The following LRSAM1 variants were observed in gnomAD, a reference collection of about 807,000 sequenced individuals.
LRSAM1 encodes the protein E3 ubiquitin-protein ligase LRSAM1.
A neutral mutation model predicts 118.1 loss-of-function variants in LRSAM1; 96 were observed. That is an observed-to-expected ratio of 0.81 (90% CI 0.69 to 0.96). The LOEUF (loss-of-function observed/expected upper bound fraction) is 0.96. Ranked by LOEUF, LRSAM1 falls within the 40% of genes least tolerant of loss-of-function variation. LRSAM1 has a pLI of 0.00. For synonymous variants in LRSAM1, 322 were observed against 364.2 expected (o/e 0.88, Z 1.32); for missense variants, 804 against 915.5 (o/e 0.88, Z 1.57).
chr9:127,501,061 C>T lies in LRSAM1; in HGVS notation c.1964C>T (p.Pro655Leu), dbSNP rs376913816. 5.0e-6 allele frequency: 8 copies of T among 1,614,098 alleles called. No individual in the cohort carries two copies. The highest frequency in any genetic ancestry group is 6.8e-6 in the Non-Finnish European group (8 of 1,180,022). ...EVVTPTAPQE[P>L]PESVRPSAPP... ...GTCACCCCTACGGCCCCCCAGGAGC[C>T]TCCTGAGTCTGTGAGGCCATCCGCT... is the stretch of plus-strand genomic sequence containing the variant. Residue 655 changes from proline (P) to leucine (L), a missense_variant, in exon 25 of 26, where the codon CCT becomes CTT. Physicochemically the swap from Pro to Leu is moderately conservative, Grantham distance 98. Coordinates refer to ENST00000300417, the MANE Select transcript of LRSAM1 (RefSeq NM_001005373.4).
chr9:127,463,096 G>A (rs1834810174), intron 9 of LRSAM1, among the ~76,000 whole-genome samples: 1 of 151,722 alleles, frequency 6.6e-6, no homozygotes, highest in Non-Finnish European at 1.5e-5. Context: ...ACTCGGGGGA[G>A]GCTGAGACAG....
At chr9:127,468,229 G>T (rs1453867085) in intron 10 of LRSAM1, among the ~76,000 whole-genome samples, 1 of 152,136 alleles carries the variant, frequency 6.6e-6, no homozygotes, top group Non-Finnish European at 1.5e-5. Flanking sequence ...AGAGAAGAGA[G>T]ATGGGAGAAG....
At chr9:127,467,599 C>T in intron 9 of LRSAM1, 141 bp from the exon 10 acceptor site, 4 of 821,988 alleles carry the variant, frequency 4.9e-6, no homozygotes, top group Non-Finnish European at 8.1e-6. Flanking sequence ...CTGTAAGTAA[C>T]AAGACAGTTC....
chr9:127,502,989 G>C lies in LRSAM1; in HGVS notation c.*90G>C. ...GCTCAGCCTTGTGCCAGCCAGACTC[G>C]TATGAGGCTCCCCCCTGCCCTGGGC... is the stretch of plus-strand genomic sequence containing the variant. On this transcript the variant is annotated 3_prime_UTR_variant, in exon 26 of 26. Transcript: ENST00000300417. The C allele has an allele frequency of 1.3e-6, 2 of 1,514,152 alleles. No individual in the cohort carries two copies. Among genetic ancestry groups the C allele is most frequent in the South Asian group, 1.2e-5 (1 of 83,060 alleles). 93.8% of individuals were successfully genotyped at this position (1,514,152 alleles called of 1,614,324 possible). A position where few individuals can be genotyped will look rare whatever the true frequency, so the allele number is the denominator to read the frequency against.
At chr9:127,495,233 A>G (rs1836083395) in intron 21 of LRSAM1, 87 bp from the exon 22 acceptor site, 4 of 1,272,750 alleles carry the variant, frequency 3.1e-6, no homozygotes, top group Non-Finnish European at 2.2e-6. Context: ...GATTACAGGC[A>G]TGAGCCACCG....
chr9:127,502,408 G>A (rs535442757), intron 25 of LRSAM1, among the ~76,000 whole-genome samples: 28 of 152,262 alleles, frequency 1.8e-4, no homozygotes, highest in African/African-American at 6.3e-4. Flanking sequence ...GAAGGGGGCC[G>A]GCATGGTGGC....
chr9:127,462,136 C>A, intron 8 of LRSAM1, 116 bp from the exon 9 acceptor site: 1 of 1,461,004 alleles, frequency 6.8e-7, no homozygotes, highest in Non-Finnish European at 9.4e-7. Flanking sequence ...TAGGAAACCT[C>A]AGAGCCCAGG....
rs1834549386 is a variant in LRSAM1 at position 127,457,173 on chromosome 9, A to G, written c.175-143A>G. 5 of 818,424 alleles carry G rather than the reference A, an allele frequency of 6.1e-6. No individual in the cohort carries two copies. In the Admixed American group the frequency reaches 8.0e-5, roughly 13 times the overall value. 50.7% of individuals were successfully genotyped at this position (818,424 alleles called of 1,614,324 possible). The stretch of plus-strand genomic sequence containing the variant: ...AGATTCCCCATTGGGAGAGTTCATG[A>G]TACTGACCCGCATCCCCGTGGTGGT... On this transcript the variant is annotated intron_variant, in intron 5 of 25. Transcript: ENST00000300417.
intron 9 of LRSAM1, among the ~76,000 whole-genome samples, chr9:127,466,824 T>C (rs1834969898): frequency 6.6e-6 from 1 of 151,900 alleles, no homozygotes. Context: ...CTGGGTAACA[T>C]AGTAGGACTT....
At chr9:127,470,459 A>G (rs10760487) in intron 10 of LRSAM1, among the ~76,000 whole-genome samples, 16,659 of 152,018 alleles carry the variant, frequency 0.11, 1,605 homozygotes, top group Admixed American at 0.28. Flanking sequence ...CCCGCCCCCA[A>G]CACGTGGGGA....
At chr9:127,493,952 C>T (rs1048026634) in intron 21 of LRSAM1, among the ~76,000 whole-genome samples, 1 of 152,242 alleles carries the variant, frequency 6.6e-6, no homozygotes, top group Non-Finnish European at 1.5e-5. Flanking sequence ...GCTTCTGGAG[C>T]CCTGAACAAG....
Position 127,474,042 on chromosome 9 carries a change from C to T in LRSAM1, c.750+111C>T, listed in dbSNP as rs1835270933. On this transcript the variant is annotated intron_variant, in intron 11 of 25. Transcript: ENST00000300417. ...GGCGGTGGTTCAGAGCTGCAGCTCC[C>T]AGATTCCTCCATAGAACTAGAACTG... 3 of 1,517,390 alleles carry T rather than the reference C, an allele frequency of 2.0e-6. No individual in the cohort carries two copies. In the South Asian group the frequency reaches 3.5e-5, roughly 18 times the overall value. 94.0% of individuals were successfully genotyped at this position (1,517,390 alleles called of 1,614,324 possible). A position where few individuals can be genotyped will look rare whatever the true frequency, so the allele number is the denominator to read the frequency against.
chr9:127,460,093 G>A (rs544937969), intron 7 of LRSAM1, among the ~76,000 whole-genome samples: 17 of 151,662 alleles, frequency 1.1e-4, no homozygotes, highest in African/African-American at 4.1e-4. Context: ...TCCACCTCCC[G>A]GGTTCAAGCG....
chr9:127,491,380 C>A, intron 20 of LRSAM1, 85 bp downstream of exon 20: 1 of 1,097,526 alleles, frequency 9.1e-7, no homozygotes, highest in African/African-American at 1.5e-5. Context: ...CAGCTGCTCA[C>A]CAGCCCCTGG....
Position 127,496,245 on chromosome 9 carries a change from C to T in LRSAM1, c.1830+150C>T, listed in dbSNP as rs541954009. The T allele has an allele frequency of 2.7e-5, 31 of 1,164,480 alleles. No homozygotes were observed. The African/African-American group carries it at 2.7e-4, about 10-fold the overall frequency. 72.1% of individuals were successfully genotyped at this position (1,164,480 alleles called of 1,614,324 possible). A position where few individuals can be genotyped will look rare whatever the true frequency, so the allele number is the denominator to read the frequency against. ...ACCTTGCTTCCAGATGGCCAGAACA[C>T]CTGCCCATCTGCCCCAGCCGCCTGT... On this transcript the variant is annotated intron_variant, in intron 23 of 25. Transcript: ENST00000300417.
intron 8 of LRSAM1, among the ~76,000 whole-genome samples, chr9:127,461,550 AC>A (rs1340662657): frequency 6.6e-6 from 1 of 152,144 alleles, no homozygotes; most frequent in Non-Finnish European, 1.5e-5. Flanking sequence ...AGTGTAGAGG[AC>A]TGATGGGGCG....
intron 16 of LRSAM1, 74 bp from the exon 17 acceptor site, chr9:127,485,662 C>A: frequency 7.1e-7 from 1 of 1,405,480 alleles, no homozygotes; most frequent in Non-Finnish European, 1.0e-6. Flanking sequence ...CTGTGGAAAT[C>A]CCTGCTGCCT....
At chr9:127,474,761 C>T (rs1835295025) in intron 11 of LRSAM1, among the ~76,000 whole-genome samples, 1 of 152,208 alleles carries the variant, frequency 6.6e-6, no homozygotes, top group South Asian at 2.1e-4. Flanking sequence ...GTGTGAGCAC[C>T]AGTGACAGGC....
intron 10 of LRSAM1, among the ~76,000 whole-genome samples, chr9:127,471,216 C>T (rs1032720242): frequency 2.6e-5 from 4 of 152,004 alleles, no homozygotes; most frequent in Non-Finnish European, 4.4e-5. Context: ...AGGTGGCTCA[C>T]GCCTGTAATC....
Sources: gnomAD v4.1 joint callset for allele counts (sites outside exome capture counted in the v4.1 genomes callset) on GRCh38, gnomAD v4.1.1 for gene constraint, MANE v1.5 for transcripts, NCBI Gene and HGNC (gene_info 2026-07-23, HGNC 2026-07-21) for gene names.